The following C18orf63 variants were observed in gnomAD, a reference collection of about 807,000 sequenced individuals.
The protein encoded by C18orf63 is chromosome 18 open reading frame 63, also known as uncharacterized protein C18orf63.
In C18orf63, 50 loss-of-function variants were observed where a neutral mutation model predicts 75.3. The observed-to-expected ratio is 0.66, with a 90% confidence interval of 0.53 to 0.84. The LOEUF (loss-of-function observed/expected upper bound fraction) is 0.84, where lower values mean the gene tolerates loss of function less well. Among genes scored for constraint, C18orf63 ranks in the 40% least tolerant of loss-of-function variants. The pLI is 0.00. For synonymous variants in C18orf63, 232 were observed against 267.6 expected, an observed-to-expected ratio of 0.87 and a Z score of 1.30; for missense variants, 732 against 800.2, an observed-to-expected ratio of 0.91 and a Z score of 1.03.
At chr18:74,327,097 A>G (rs894176013) in intron 4 of C18orf63, among the ~76,000 whole-genome samples, 1 of 152,182 alleles carries the variant, frequency 6.6e-6, no homozygotes, top group African/African-American at 2.4e-5. Flanking sequence ...AAGCATGACA[A>G]GATAACGAAG....
intron 13 of C18orf63, among the ~76,000 whole-genome samples, chr18:74,356,166 G>A (rs1247568296): frequency 6.6e-6 from 1 of 152,108 alleles, no homozygotes; most frequent in Non-Finnish European, 1.5e-5. Flanking sequence ...GTGCAACTTT[G>A]TTACCTGCAT....
chr18:74,338,660 G>GT, intron 7 of C18orf63, 55 bp from the exon 8 acceptor site: 1 of 703,270 alleles, frequency 1.4e-6, no homozygotes, highest in Non-Finnish European at 2.1e-6. Context: ...CTTTTAAAAT[G>GT]TTTCCTTTTT....
At chr18:74,334,386 G>T (rs1346457011) in intron 7 of C18orf63, among the ~76,000 whole-genome samples, 1 of 152,020 alleles carries the variant, frequency 6.6e-6, no homozygotes, top group African/African-American at 2.4e-5. Flanking sequence ...GTGAGGCTTT[G>T]ATTACAGCTG....
intron 11 of C18orf63, among the ~76,000 whole-genome samples, chr18:74,352,522 A>G (rs758383307): frequency 6.6e-6 from 1 of 152,184 alleles, no homozygotes; most frequent in Non-Finnish European, 1.5e-5. Flanking sequence ...CTGAATTGCT[A>G]CCACGTACCA....
rs1457512125 is a variant in C18orf63, at chr18:74,358,598, A to G, written c.*2151A>G. The G allele has an allele frequency of 6.6e-6, 1 of 152,146 alleles. No individual in the cohort carries two copies. Among genetic ancestry groups the G allele is most frequent in the African/African-American group, 2.4e-5 (1 of 41,432 alleles). The allele number at this position is 152,146 out of a possible 1,614,324, so 9.4% of individuals were successfully genotyped here. A position where few individuals can be genotyped will look rare whatever the true frequency, so the allele number is the denominator to read the frequency against. On this transcript the variant is annotated 3_prime_UTR_variant, in exon 14 of 14. Coordinates refer to ENST00000579455, the MANE Select transcript of C18orf63 (RefSeq NM_001174123.2). ...TGTAAGTTATTGGTGATTTATATGC[A>G]GTATGGACCATCCTCCCCCCAGAAA...
chr18:74,330,855 T>C lies in C18orf63; in HGVS notation c.425-11T>C. 8.7e-7 allele frequency: 1 copy of C among 1,145,992 alleles called. No individual in the cohort carries two copies. The highest frequency in any genetic ancestry group is 1.2e-6 in the Non-Finnish European group (1 of 818,810). The allele number at this position is 1,145,992 out of a possible 1,614,324, so 71.0% of individuals were successfully genotyped here. A position where few individuals can be genotyped will look rare whatever the true frequency, so the allele number is the denominator to read the frequency against. ...TTCCAGGTAGTTCACAGTTAAATAT[T>C]TTATTTTCAGTATTAAACATCAATG... is the stretch of plus-strand genomic sequence containing the variant. On this transcript the variant is annotated splice_polypyrimidine_tract_variant and intron_variant, in intron 6 of 13. Coordinates refer to ENST00000579455, the MANE Select transcript of C18orf63 (RefSeq NM_001174123.2).
At chr18:74,333,031 C>T (rs1356631099) in intron 7 of C18orf63, among the ~76,000 whole-genome samples, 1 of 152,060 alleles carries the variant, frequency 6.6e-6, no homozygotes, top group Non-Finnish European at 1.5e-5. Flanking sequence ...TATAATTTAT[C>T]CTCAAAATAG....
At chr18:74,330,055 A>G (rs1304794115) in intron 6 of C18orf63, among the ~76,000 whole-genome samples, 1 of 116,260 alleles carries the variant, frequency 8.6e-6, no homozygotes, top group Non-Finnish European at 2.1e-5. Flanking sequence ...AGTGTGCCCT[A>G]CCTCTGGGTG....
intron 1 of C18orf63, among the ~76,000 whole-genome samples, chr18:74,317,391 C>G (rs1468070023): frequency 1.3e-5 from 2 of 152,080 alleles, no homozygotes; most frequent in South Asian, 4.1e-4. Context: ...CATTTTCTGT[C>G]GTGTACAATG....
At chr18:74,331,083 A>G (rs1984297228) in intron 7 of C18orf63, 141 bp downstream of exon 7, 1 of 370,904 alleles carries the variant, frequency 2.7e-6, no homozygotes, top group East Asian at 4.2e-5. Flanking sequence ...CTGTATTATT[A>G]AATGCTTGAT....
Position 74,346,523 on chromosome 18 carries a change from CA to C in C18orf63, c.978+2824del, listed in dbSNP as rs1984578427. Among the ~76,000 whole-genome samples, 3 of 152,190 alleles carry C rather than the reference CA, an allele frequency of 2.0e-5. No homozygotes were observed. In the South Asian group the frequency reaches 6.2e-4, roughly 31 times the overall value. The stretch of plus-strand genomic sequence containing the variant: ...CTCCTTAGAAGGGAGAGTGAGTGGA[CA>C]AATGCCCATTGACATCTTTAAAACA... On this transcript the variant is annotated intron_variant, in intron 11 of 13. Transcript: ENST00000579455.
Position 74,353,795 on chromosome 18 carries a change from C to A in C18orf63, c.1528C>A (p.Pro510Thr), listed in dbSNP as rs1465838416. The A allele has an allele frequency of 6.5e-7, 1 of 1,535,914 alleles. No homozygotes were observed. The highest frequency in any genetic ancestry group is 1.4e-5 in the African/African-American group (1 of 73,134). Residue 510 changes from proline (P) to threonine (T), a missense_variant, in exon 12 of 14, where the codon CCT becomes ACT. Transcript: ENST00000579455. ...ANNLNQENSR[P>T]LQEKNTESSE... ...CAATTTAAATCAGGAGAATTCCAGACCTCTGCAAGAAAAAAATACAGAGTC... is the reference window on the plus strand; with the variant it reads ...CAATTTAAATCAGGAGAATTCCAGAACTCTGCAAGAAAAAAATACAGAGTC...
intron 4 of C18orf63, among the ~76,000 whole-genome samples, chr18:74,325,146 T>C (rs568515789): frequency 1.3e-5 from 2 of 152,308 alleles, no homozygotes; most frequent in Admixed American, 6.5e-5. Flanking sequence ...GGTCATTGAT[T>C]TGAGAATTTC....
In C18orf63 at chr18:74,354,242, G is replaced by A. The variant is rs1425447356; in HGVS notation, c.1975G>A (p.Gly659Ser). 1 of 1,520,056 alleles carries A rather than the reference G, an allele frequency of 6.6e-7. No individual in the cohort carries two copies. The highest frequency in any genetic ancestry group is 2.2e-5 in the Admixed American group (1 of 45,968). The allele number at this position is 1,520,056 out of a possible 1,614,324, so 94.2% of individuals were successfully genotyped here. Residue 659 changes from glycine (G) to serine (S), a missense_variant, in exon 12 of 14, where the codon GGC becomes AGC. Physicochemically the swap from Gly to Ser is moderately conservative, Grantham distance 56. This residue lies in a region of C18orf63 where 495 missense variants were observed against 508.7 expected (regional missense o/e 0.97). Coordinates refer to ENST00000579455, the MANE Select transcript of C18orf63 (RefSeq NM_001174123.2). ...KKHHSDTVHY[G>S]QSSSSKKQIL... Reference sequence around the variant, plus strand: ...GCATCATTCCGATACTGTGCACTATGGCCAATCCAGTTCTTCTAAGAAGCA... The same window carrying A: ...GCATCATTCCGATACTGTGCACTATAGCCAATCCAGTTCTTCTAAGAAGCA...
rs1208525621 is a variant in C18orf63, at chr18:74,354,197, T to C, written c.1930T>C (p.Ser644Pro). The change falls in exon 12 of 14, where the codon TCT becomes CCT. Residue 644 changes from serine to proline, a missense_variant. Around this residue, in one of 3 missense-constraint regions of C18orf63, gnomAD observed 495 missense variants for 508.7 expected, o/e 0.97. Transcript: ENST00000579455. ...HRSKRKLCPE[S>P]SKTSKKHHSD... The stretch of plus-strand genomic sequence containing the variant: ...GTCTAAAAGAAAATTATGTCCAGAG[T>C]CTTCCAAAACTTCAAAGAAGCATCA... 1.3e-6 allele frequency: 2 copies of C among 1,536,002 alleles called. No individual in the cohort carries two copies. Among genetic ancestry groups the C allele is most frequent in the South Asian group, 2.4e-5 (2 of 84,020 alleles).
rs1984768763 is a variant in C18orf63, at chr18:74,356,557, C to T, written c.*110C>T. The T allele has an allele frequency of 6.6e-6, 1 of 152,614 alleles. No homozygotes were observed. The highest frequency in any genetic ancestry group is 2.1e-4 in the South Asian group (1 of 4,832). 9.5% of individuals were successfully genotyped at this position (152,614 alleles called of 1,614,324 possible). A position where few individuals can be genotyped will look rare whatever the true frequency, so the allele number is the denominator to read the frequency against. On this transcript the variant is annotated 3_prime_UTR_variant, in exon 14 of 14. Transcript: ENST00000579455. ...TCCTGTGACCATGAAATCAGCTCTA[C>T]TTACTGCTGTGGAACCTCCTTTTTC...
At chr18:74,327,662 G>A (rs904147556) in intron 4 of C18orf63, among the ~76,000 whole-genome samples, 7 of 152,218 alleles carry the variant, frequency 4.6e-5, no homozygotes, top group African/African-American at 1.4e-4. Context: ...TGAAGATCAA[G>A]GGTTTTAGCA....
At position 74,353,690 on chromosome 18, in the gene C18orf63, A is replaced by G. The variant is rs1277724009; in HGVS notation, c.1423A>G (p.Met475Val). The G allele has an allele frequency of 2.0e-6, 3 of 1,535,996 alleles. No homozygotes were observed. Among genetic ancestry groups the G allele is most frequent in the Admixed American group, 2.0e-5 (1 of 50,976 alleles). Residue 475 changes from methionine (M) to valine (V), a missense_variant, in exon 12 of 14, where the codon ATG (methionine) becomes GTG (valine). This residue lies in a region of C18orf63 where 495 missense variants were observed against 508.7 expected (regional missense o/e 0.97). Transcript: ENST00000579455. ...TAAATTGTTTTCACTCAAAACTAGT[A>G]TGATCCAGCATGACAAACTGAATTT... ...QSKLFSLKTS[M>V]IQHDKLNLGP...
intron 6 of C18orf63, among the ~76,000 whole-genome samples, chr18:74,330,100 A>AT (rs1984279765): frequency 3.3e-5 from 5 of 152,174 alleles, no homozygotes; most frequent in Non-Finnish European, 5.9e-5. Context: ...TTTCATCTCC[A>AT]AACACTGTCA....
Sources: gnomAD v4.1 joint callset for allele counts (sites outside exome capture counted in the v4.1 genomes callset) on GRCh38, gnomAD v4.1.1 for gene constraint, gnomAD v4.1.1 regional missense constraint, MANE v1.5 for transcripts, NCBI Gene and HGNC (gene_info 2026-07-23, HGNC 2026-07-21) for gene names.